Variants in NUMB observed in about 807,000 individuals in gnomAD.
The protein encoded by NUMB is protein numb homolog.
A neutral mutation model predicts 59.7 loss-of-function variants in NUMB; 29 were observed. The observed-to-expected ratio is 0.49, with a 90% confidence interval of 0.36 to 0.66. The LOEUF (loss-of-function observed/expected upper bound fraction) is 0.66, where lower values mean the gene tolerates loss of function less well. Among genes scored for constraint, NUMB ranks in the 30% least tolerant of loss-of-function variants. The pLI is 0.00. For missense variants in NUMB, 723 were observed against 822.0 expected (o/e 0.88, Z 1.47); for synonymous variants, 288 against 288.2 (o/e 1.00, Z 0.01).
intron 3 of NUMB, among the ~76,000 whole-genome samples, chr14:73,360,263 G>C (rs1241928839): frequency 6.6e-6 from 1 of 152,154 alleles, no homozygotes; most frequent in Non-Finnish European, 1.5e-5. Flanking sequence ...AGCATATAAA[G>C]GTATGGCCCC....
intron 4 of NUMB, among the ~76,000 whole-genome samples, chr14:73,344,087 TAA>T: frequency 6.6e-6 from 1 of 152,344 alleles, no homozygotes; most frequent in South Asian, 2.1e-4. Flanking sequence ...TTATATAACC[TAA>T]GAGTATTACC....
At chr14:73,372,343 T>TTTA (rs1894742079) in intron 2 of NUMB, among the ~76,000 whole-genome samples, 7 of 100,768 alleles carry the variant, frequency 6.9e-5, no homozygotes, top group South Asian at 2.9e-4. Context: ...ATATAACCTT[T>TTTA]TATATATATA....
chr14:73,340,051 G>C (rs753767937), intron 4 of NUMB, among the ~76,000 whole-genome samples: 5 of 152,132 alleles, frequency 3.3e-5, no homozygotes, highest in Non-Finnish European at 5.9e-5. Context: ...ACAGAGATTA[G>C]GGAAGCTAGC....
intron 4 of NUMB, among the ~76,000 whole-genome samples, chr14:73,339,952 G>A (rs1427746800): frequency 6.6e-6 from 1 of 151,698 alleles, no homozygotes; most frequent in Non-Finnish European, 1.5e-5. Context: ...GACACTCAAG[G>A]CAGAGCATCC....
chr14:73,317,861 T>G (rs1195352305), intron 5 of NUMB, among the ~76,000 whole-genome samples: 1 of 152,218 alleles, frequency 6.6e-6, no homozygotes, highest in African/African-American at 2.4e-5. Context: ...TTTATAATCA[T>G]AGGTTTTTAA....
chr14:73,335,302 C>CAA lies in NUMB; in HGVS notation c.127-12100_127-12099dup, dbSNP rs10556271. Among the ~76,000 whole-genome samples the CAA allele has an allele frequency of 1.6e-4, 16 of 100,214 alleles. No individual in the cohort carries two copies. In the East Asian group the frequency reaches 1.8e-3, roughly 11 times the overall value. 65.7% of individuals were successfully genotyped at this position (100,214 alleles called of 152,430 possible). A position where few individuals can be genotyped will look rare whatever the true frequency, so the allele number is the denominator to read the frequency against. On this transcript the variant is annotated intron_variant, in intron 4 of 12. Coordinates refer to ENST00000555238, the MANE Select transcript of NUMB (RefSeq NM_001005743.2). ...TAGCTATTTATGCCAGCCAAAAAGA[C>CAA]AAAAAAAAAAAAAAAAAAAAAGGAA...
intron 1 of NUMB, among the ~76,000 whole-genome samples, chr14:73,422,646 T>C (rs999442459): frequency 6.7e-6 from 1 of 150,132 alleles, no homozygotes; most frequent in African/African-American, 2.5e-5. Context: ...GAAGGCCAAG[T>C]GGGAGGAGGC....
At chr14:73,327,537 G>T (rs918640216) in intron 4 of NUMB, among the ~76,000 whole-genome samples, 10 of 152,184 alleles carry the variant, frequency 6.6e-5, no homozygotes, top group Non-Finnish European at 1.2e-4. Context: ...TTACAGGTGT[G>T]AGCCACTGCA....
rs1893415444 is a variant in NUMB, at chr14:73,352,503, TA to T, written c.126+3122del. On this transcript the variant is annotated intron_variant, in intron 4 of 12. Coordinates refer to ENST00000555238, the MANE Select transcript of NUMB (RefSeq NM_001005743.2). ...ATATATATATATATATATATATATA[TA>T]TATATATATATATATATATATATAT... Among the ~76,000 whole-genome samples, 3 of 14,210 alleles carry T rather than the reference TA, an allele frequency of 2.1e-4. 1 individual carries two copies. Among genetic ancestry groups the T allele is most frequent in the African/African-American group, 8.4e-4 (2 of 2,372 alleles). 9.3% of individuals were successfully genotyped at this position (14,210 alleles called of 152,430 possible).
intron 5 of NUMB, among the ~76,000 whole-genome samples, chr14:73,318,582 A>G (rs147160263): frequency 2.0e-5 from 3 of 152,172 alleles, no homozygotes; most frequent in East Asian, 1.9e-4. Flanking sequence ...GGCCTTATAC[A>G]CTTTTTTATG....
chr14:73,287,406 A>C (rs923569464), intron 8 of NUMB, 92 bp from the exon 9 acceptor site: 27 of 1,141,354 alleles, frequency 2.4e-5, no homozygotes, highest in Middle Eastern at 2.5e-4. Flanking sequence ...TTTGAGACAG[A>C]GTCTTACTGT....
At chr14:73,283,610 G>C (rs1259337639) in intron 10 of NUMB, among the ~76,000 whole-genome samples, 1 of 152,194 alleles carries the variant, frequency 6.6e-6, no homozygotes, top group Non-Finnish European at 1.5e-5. Context: ...AGATGTACAC[G>C]AAAGACCTGT....
At chr14:73,424,607 A>T (rs1170362308) in intron 1 of NUMB, among the ~76,000 whole-genome samples, 1 of 152,200 alleles carries the variant, frequency 6.6e-6, no homozygotes, top group Non-Finnish European at 1.5e-5. Context: ...ATGTAAGAGG[A>T]AAAAAGGAAG....
chr14:73,422,991 G>A (rs1230445007), intron 1 of NUMB, among the ~76,000 whole-genome samples: 1 of 150,904 alleles, frequency 6.6e-6, no homozygotes. Context: ...CCTTATAACT[G>A]ACAGATATCA....
chr14:73,323,369 A>C, intron 4 of NUMB, 165 bp from the exon 5 acceptor site: 1 of 516,774 alleles, frequency 1.9e-6, no homozygotes, highest in Non-Finnish European at 3.4e-6. Flanking sequence ...GAGACACACA[A>C]CCTGTATTGA....
At chr14:73,324,179 TTC>T (rs1169580545) in intron 4 of NUMB, among the ~76,000 whole-genome samples, 5 of 152,224 alleles carry the variant, frequency 3.3e-5, no homozygotes, top group African/African-American at 1.2e-4. Context: ...TCACCTATTC[TTC>T]TGAGGGCTGC....
intron 1 of NUMB, among the ~76,000 whole-genome samples, chr14:73,417,076 C>T (rs1897158131): frequency 6.6e-6 from 1 of 151,760 alleles, no homozygotes; most frequent in Non-Finnish European, 1.5e-5. Flanking sequence ...ACAGGATGGC[C>T]GAATTCCAGG....
At chr14:73,437,491 T>C (rs1315704360) in intron 1 of NUMB, among the ~76,000 whole-genome samples, 1 of 152,216 alleles carries the variant, frequency 6.6e-6, no homozygotes, top group East Asian at 1.9e-4. Flanking sequence ...AACTGAATAC[T>C]GTAATCAACA....
intron 1 of NUMB, among the ~76,000 whole-genome samples, chr14:73,453,299 A>G (rs979801280): frequency 3.3e-5 from 5 of 151,168 alleles, no homozygotes; most frequent in Non-Finnish European, 5.9e-5. Context: ...CGCCCGGCTA[A>G]TTTTGTATTT....
Sources: gnomAD v4.1 joint callset for allele counts (sites outside exome capture counted in the v4.1 genomes callset) on GRCh38, gnomAD v4.1.1 for gene constraint, MANE v1.5 for transcripts, NCBI Gene and HGNC (gene_info 2026-07-23, HGNC 2026-07-21) for gene names.